The following ARHGAP15 variants were observed in gnomAD, a reference collection of about 807,000 sequenced individuals.
ARHGAP15 encodes rho GTPase-activating protein 15.
In ARHGAP15, 51 loss-of-function variants were observed where a neutral mutation model predicts 63.7. The ratio of observed to expected loss-of-function variants is 0.80; its 90% CI spans 0.64 to 1.01. The LOEUF (loss-of-function observed/expected upper bound fraction) is 1.01, where lower values mean the gene tolerates loss of function less well. Ranked by LOEUF, ARHGAP15 falls within the 50% of genes least tolerant of loss-of-function variation. The probability of loss-of-function intolerance (pLI) is 0.00; values close to 1 mark genes in which losing one functional copy is unlikely to be tolerated. For synonymous variants in ARHGAP15, 191 were observed against 193.8 expected (o/e 0.99, Z 0.12); for missense variants, 560 against 564.6 (o/e 0.99, Z 0.08).
intron 6 of ARHGAP15, among the ~76,000 whole-genome samples, chr2:143,290,719 G>A (rs1574221332): frequency 1.3e-5 from 2 of 152,106 alleles, no homozygotes; most frequent in African/African-American, 4.8e-5. Context: ...TGTAGGAGGA[G>A]GAACAGGGAG....
At chr2:143,133,443 G>A (rs1394572172) in intron 1 of ARHGAP15, among the ~76,000 whole-genome samples, 1 of 152,162 alleles carries the variant, frequency 6.6e-6, no homozygotes, top group Admixed American at 6.5e-5. Context: ...ATCTTGATGG[G>A]TTGTCTGTCT....
chr2:143,312,481 GA>G (rs779785072), intron 6 of ARHGAP15, among the ~76,000 whole-genome samples: 69 of 149,734 alleles, frequency 4.6e-4, no homozygotes, highest in East Asian at 7.8e-4. Context: ...AAGATAAAAA[GA>G]AAAAAAAAGC....
intron 8 of ARHGAP15, among the ~76,000 whole-genome samples, chr2:143,438,939 G>C (rs1226416523): frequency 6.6e-6 from 1 of 151,964 alleles, no homozygotes; most frequent in African/African-American, 2.4e-5. Flanking sequence ...GAAAATAAAG[G>C]TTTGCAAAAA....
chr2:143,287,399 C>T (rs1042666935), intron 6 of ARHGAP15, among the ~76,000 whole-genome samples: 1 of 152,004 alleles, frequency 6.6e-6, no homozygotes, highest in Non-Finnish European at 1.5e-5. Context: ...CACTTTATGA[C>T]ATCAGCCTGT....
intron 11 of ARHGAP15, among the ~76,000 whole-genome samples, chr2:143,593,784 A>G (rs947570410): frequency 1.9e-4 from 29 of 152,194 alleles, no homozygotes; most frequent in Admixed American, 1.9e-3. Context: ...CCTAGAATAT[A>G]TAAAAGAAAC....
intron 6 of ARHGAP15, among the ~76,000 whole-genome samples, chr2:143,292,442 T>C (rs551495310): frequency 6.6e-6 from 1 of 152,210 alleles, no homozygotes; most frequent in East Asian, 1.9e-4. Flanking sequence ...GAAAGATTTG[T>C]ATCCTCTTTG....
rs1339414687 is a variant in ARHGAP15, at chr2:143,627,171, AT to A, written c.1138+2907del. Among the ~76,000 whole-genome samples the A allele has an allele frequency of 5.3e-5, 8 of 152,298 alleles. 1 individual carries two copies. Among genetic ancestry groups the A allele is most frequent in the Admixed American group, 3.3e-4 (5 of 15,298 alleles). On this transcript the variant is annotated intron_variant, in intron 12 of 13. Coordinates refer to ENST00000295095, the MANE Select transcript of ARHGAP15 (RefSeq NM_018460.4). Reference sequence around the variant, plus strand: ...ATTTCTGTTGTTTATGAATTGCTAAATTTATGGCATTTTTTATAGTAGGCCA... The same window carrying A: ...ATTTCTGTTGTTTATGAATTGCTAAATTATGGCATTTTTTATAGTAGGCCA...
intron 8 of ARHGAP15, among the ~76,000 whole-genome samples, chr2:143,468,298 T>A (rs1691334388): frequency 6.6e-6 from 1 of 152,084 alleles, no homozygotes; most frequent in African/African-American, 2.4e-5. Context: ...CTTTAGGGAC[T>A]TTTAAAGATG....
chr2:143,199,405 TTTCTC>T (rs2105107245), intron 2 of ARHGAP15, among the ~76,000 whole-genome samples: 1 of 152,258 alleles, frequency 6.6e-6, no homozygotes, highest in Admixed American at 6.5e-5. Context: ...CTCTGCAACT[TTTCTC>T]TTAAGTATAA....
chr2:143,300,802 T>C (rs2105150586), intron 6 of ARHGAP15, among the ~76,000 whole-genome samples: 1 of 152,128 alleles, frequency 6.6e-6, no homozygotes, highest in African/African-American at 2.4e-5. Context: ...TGGAGTCCAA[T>C]TGTGTACAAG....
intron 6 of ARHGAP15, among the ~76,000 whole-genome samples, chr2:143,306,205 A>G (rs916721778): frequency 6.6e-6 from 1 of 152,142 alleles, no homozygotes; most frequent in Non-Finnish European, 1.5e-5. Context: ...ATGCCTTAAT[A>G]TATTTACCAA....
chr2:143,454,850 G>A (rs904106869), intron 8 of ARHGAP15, among the ~76,000 whole-genome samples: 1 of 152,074 alleles, frequency 6.6e-6, no homozygotes, highest in Non-Finnish European at 1.5e-5. Flanking sequence ...AAAAGCTGGA[G>A]TACTCAGAGC....
intron 12 of ARHGAP15, among the ~76,000 whole-genome samples, chr2:143,672,112 A>G (rs984337404): frequency 6.6e-6 from 1 of 152,338 alleles, no homozygotes; most frequent in African/African-American, 2.4e-5. Context: ...TAATAAAAAG[A>G]ATATTTTACC....
intron 6 of ARHGAP15, among the ~76,000 whole-genome samples, chr2:143,304,794 T>C (rs1428877153): frequency 1.3e-5 from 2 of 152,054 alleles, no homozygotes; most frequent in Non-Finnish European, 2.9e-5. Context: ...TCATGCCAGT[T>C]AGAATGGTGA....
chr2:143,268,838 C>A (rs1259610803), intron 6 of ARHGAP15, among the ~76,000 whole-genome samples: 3 of 152,074 alleles, frequency 2.0e-5, no homozygotes, highest in Middle Eastern at 3.4e-3. Context: ...GAAATTGGCA[C>A]TTCTAAGATT....
intron 11 of ARHGAP15, chr2:143,571,748 C>G (rs973353031): frequency 2.0e-5 from 3 of 152,236 alleles, no homozygotes; most frequent in African/African-American, 4.8e-5. Flanking sequence ...ACTCCCTCTT[C>G]TTGTTAGTCT....
intron 2 of ARHGAP15, among the ~76,000 whole-genome samples, chr2:143,156,049 C>T (rs887814882): frequency 2.8e-5 from 4 of 144,948 alleles, no homozygotes; most frequent in Non-Finnish European, 6.1e-5. Flanking sequence ...AAAAAAATCT[C>T]AAAAAAAAAA....
chr2:143,276,427 G>T (rs1681551877), intron 6 of ARHGAP15, among the ~76,000 whole-genome samples: 1 of 152,160 alleles, frequency 6.6e-6, no homozygotes, highest in South Asian at 2.1e-4. Context: ...TAAACACAGA[G>T]GTGGGTTGCC....
At chr2:143,216,052 TA>T (rs1460507424) in intron 3 of ARHGAP15, among the ~76,000 whole-genome samples, 1 of 152,196 alleles carries the variant, frequency 6.6e-6, no homozygotes, top group Non-Finnish European at 1.5e-5. Context: ...CTTGGTAAAA[TA>T]AAGGAAGGCA....
Sources: gnomAD v4.1 joint callset for allele counts (sites outside exome capture counted in the v4.1 genomes callset) on GRCh38, gnomAD v4.1.1 for gene constraint, MANE v1.5 for transcripts, NCBI Gene and HGNC (gene_info 2026-07-23, HGNC 2026-07-21) for gene names.